ANKS1B: variants seen among roughly 807,000 people sequenced by gnomAD.
ANKS1B encodes the protein ankyrin repeat and sterile alpha motif domain containing 1B, also known as ankyrin repeat and sterile alpha motif domain-containing protein 1B.
ANKS1B carries 36 observed loss-of-function variants against 148.3 expected under a neutral mutation model. The ratio of observed to expected loss-of-function variants is 0.24; its 90% confidence interval spans 0.19 to 0.32. The LOEUF is 0.32. ANKS1B is among the 10% of genes least tolerant of loss of function. The probability of loss-of-function intolerance (pLI) is 1.00; values close to 1 mark genes in which losing one functional copy is unlikely to be tolerated. For synonymous variants in ANKS1B, 542 were observed against 560.8 expected, an observed-to-expected ratio of 0.97 and a Z score of 0.47; for missense variants, 1,157 against 1,542.6, an observed-to-expected ratio of 0.75 and a Z score of 4.19.
chr12:99,562,326 A>T (rs2097344816), intron 9 of ANKS1B, among the ~76,000 whole-genome samples: 1 of 152,188 alleles, frequency 6.6e-6, no homozygotes, highest in Non-Finnish European at 1.5e-5. Context: ...ACTTAGAATC[A>T]CCAGCTGCAT....
chr12:99,908,556 G>C (rs2093879226), intron 1 of ANKS1B, among the ~76,000 whole-genome samples: 1 of 152,128 alleles, frequency 6.6e-6, no homozygotes, highest in Non-Finnish European at 1.5e-5. Context: ...ACTCCAGCCT[G>C]AGCGACAGAA....
chr12:99,597,767 G>C (rs539620484), intron 9 of ANKS1B, among the ~76,000 whole-genome samples: 1 of 151,754 alleles, frequency 6.6e-6, no homozygotes, highest in South Asian at 2.1e-4. Context: ...CAAAAACATC[G>C]AATGGCGCCT....
At chr12:99,297,880 C>A (rs1297989291) in intron 12 of ANKS1B, among the ~76,000 whole-genome samples, 3 of 152,090 alleles carry the variant, frequency 2.0e-5, no homozygotes, top group African/African-American at 7.2e-5. Flanking sequence ...AGATTTTTAA[C>A]CAAGTTTCCC....
chr12:99,750,944 T>A (rs2061046042), intron 8 of ANKS1B, among the ~76,000 whole-genome samples: 1 of 152,080 alleles, frequency 6.6e-6, no homozygotes, highest in South Asian at 2.1e-4. Context: ...CCTTAACTAA[T>A]ATAGCTTATG....
At chr12:99,300,491 A>G (rs550812508) in intron 12 of ANKS1B, among the ~76,000 whole-genome samples, 1 of 152,268 alleles carries the variant, frequency 6.6e-6, no homozygotes, top group Non-Finnish European at 1.5e-5. Context: ...AAAAAACAAC[A>G]CAGAAAACAT....
chr12:99,784,844 T>C (rs768252623), intron 4 of ANKS1B, among the ~76,000 whole-genome samples: 3 of 152,210 alleles, frequency 2.0e-5, no homozygotes, highest in Non-Finnish European at 4.4e-5. Context: ...CCCTGAAGTT[T>C]AGTGTTTTTC....
In ANKS1B at chr12:98,766,982, ATTT is replaced by A. The variant is rs11295642; in HGVS notation, c.3579+6057_3579+6059del. On this transcript the variant is annotated intron_variant, in intron 25 of 26. Transcript: ENST00000683438. ...CACCATGCCTGGCTATTATTTATTAATTTTTTTTTTTTTTTTTGCAGACATGGG... is the reference window on the plus strand; with the variant it reads ...CACCATGCCTGGCTATTATTTATTAATTTTTTTTTTTTTTGCAGACATGGG... Among the ~76,000 whole-genome samples the A allele has an allele frequency of 1.7e-3, 231 of 134,956 alleles. 1 individual carries two copies. The highest frequency in any genetic ancestry group is 5.8e-3 in the African/African-American group (210 of 36,400). The allele number at this position is 134,956 out of a possible 152,430, so 88.5% of individuals were successfully genotyped here.
chr12:99,590,386 T>C (rs983710514), intron 9 of ANKS1B, among the ~76,000 whole-genome samples: 1 of 152,026 alleles, frequency 6.6e-6, no homozygotes, highest in South Asian at 2.1e-4. Flanking sequence ...TAACAAGTAA[T>C]TACAACAGAT....
chr12:98,784,658 G>A (rs1306059881), intron 22 of ANKS1B, among the ~76,000 whole-genome samples: 1 of 152,190 alleles, frequency 6.6e-6, no homozygotes, highest in African/African-American at 2.4e-5. Context: ...GCAGAAAGCT[G>A]GAACAACAGG....
chr12:98,774,817 T>A (rs1249656109), intron 24 of ANKS1B, among the ~76,000 whole-genome samples: 1 of 152,178 alleles, frequency 6.6e-6, no homozygotes, highest in East Asian at 1.9e-4. Context: ...AAAATTAAAT[T>A]AAGACATTTT....
intron 1 of ANKS1B, among the ~76,000 whole-genome samples, chr12:99,967,324 T>C (rs2095496465): frequency 6.6e-6 from 1 of 152,160 alleles, no homozygotes; most frequent in Non-Finnish European, 1.5e-5. Flanking sequence ...ATAAGGAAAC[T>C]GAAGCCCAAA....
At chr12:99,658,686 A>T (rs1037983235) in intron 8 of ANKS1B, among the ~76,000 whole-genome samples, 1 of 152,138 alleles carries the variant, frequency 6.6e-6, no homozygotes. Flanking sequence ...TAGTTTCCCT[A>T]TCTGAAAAAA....
intron 1 of ANKS1B, among the ~76,000 whole-genome samples, chr12:99,863,887 T>C (rs1042583683): frequency 2.0e-5 from 3 of 151,010 alleles, no homozygotes; most frequent in Non-Finnish European, 4.4e-5. Context: ...CTGGCCAACA[T>C]AGTGAAACTC....
At chr12:99,364,276 T>C (rs757759696) in intron 12 of ANKS1B, among the ~76,000 whole-genome samples, 1 of 77,742 alleles carries the variant, frequency 1.3e-5, no homozygotes, top group African/African-American at 7.8e-5. Context: ...AGTATATATA[T>C]ATTTGTTTAT....
rs183090969 is a variant in ANKS1B, at chr12:99,101,897, G to T, written c.2527-16874C>A. The stretch of plus-strand genomic sequence containing the variant: ...GTGTTCTGTTTGGGACATGCTTAGG[G>T]GCCTGTGGAACTGGAAGGAGGGGAT... On this transcript the variant is annotated intron_variant, in intron 15 of 26. Transcript: ENST00000683438. 1.8e-3 allele frequency among the ~76,000 whole-genome samples: 280 copies of T among 152,216 alleles called. 1 individual carries two copies. Among genetic ancestry groups the T allele is most frequent in the African/African-American group, 6.4e-3 (266 of 41,540 alleles).
chr12:99,321,663 G>A lies in ANKS1B; in HGVS notation c.1757-74799C>T, dbSNP rs370999064. On this transcript the variant is annotated intron_variant, in intron 12 of 26. Coordinates refer to ENST00000683438, the MANE Select transcript of ANKS1B (RefSeq NM_001352186.2). ...ACCCCTTGCACTTCCTGGGTAAGGCGATGCCCCGCCCTGCTCTGTGGGCTG... is the reference window on the plus strand; with the variant it reads ...ACCCCTTGCACTTCCTGGGTAAGGCAATGCCCCGCCCTGCTCTGTGGGCTG... Among the ~76,000 whole-genome samples the A allele has an allele frequency of 1.4e-4, 22 of 152,272 alleles. No individual in the cohort carries two copies. In the South Asian group the frequency reaches 1.7e-3, roughly 11 times the overall value.
chr12:98,924,516 C>G (rs2099805576), intron 17 of ANKS1B, among the ~76,000 whole-genome samples: 1 of 152,070 alleles, frequency 6.6e-6, no homozygotes, highest in Non-Finnish European at 1.5e-5. Flanking sequence ...GTAGCTTCCC[C>G]CAAGCCACCC....
intron 1 of ANKS1B, among the ~76,000 whole-genome samples, chr12:99,856,785 C>A (rs1293381778): frequency 6.6e-6 from 1 of 152,104 alleles, no homozygotes; most frequent in African/African-American, 2.4e-5. Context: ...ACAAAAATCA[C>A]ATGATCATCT....
chr12:98,836,550 T>C (rs1187402701), intron 17 of ANKS1B, among the ~76,000 whole-genome samples: 1 of 152,142 alleles, frequency 6.6e-6, no homozygotes, highest in Non-Finnish European at 1.5e-5. Flanking sequence ...AGTCTGAAGG[T>C]GGCTGGGTTT....
Sources: allele counts gnomAD v4.1 joint callset (sites outside exome capture counted in the v4.1 genomes callset), GRCh38; gene constraint gnomAD v4.1.1; transcripts MANE v1.5; gene names NCBI Gene and HGNC (gene_info 2026-07-23, HGNC 2026-07-21).